Variants in PAPPA observed in about 807,000 individuals in gnomAD.
PAPPA encodes pappalysin-1.
Under a neutral mutation model 164.0 loss-of-function variants are expected in PAPPA, and 60 were observed. The observed-to-expected ratio is 0.37, with a 90% confidence interval of 0.30 to 0.45. The LOEUF is 0.45. Among genes scored for constraint, PAPPA ranks in the 20% least tolerant of loss-of-function variants. PAPPA has a pLI of 1.00. For synonymous variants in PAPPA, 875 were observed against 814.1 expected (o/e 1.07, Z -1.27); for missense variants, 1,782 against 2,087.3 (o/e 0.85, Z 2.85).
At chr9:116,245,036 A>G (rs1844780625) in intron 7 of PAPPA, among the ~76,000 whole-genome samples, 1 of 152,156 alleles carries the variant, frequency 6.6e-6, no homozygotes. Flanking sequence ...GGAGGCTATT[A>G]TCTTAAGTAA....
At chr9:116,175,314 A>G (rs929406199) in intron 1 of PAPPA, among the ~76,000 whole-genome samples, 1 of 152,232 alleles carries the variant, frequency 6.6e-6, no homozygotes, top group Non-Finnish European at 1.5e-5. Flanking sequence ...CAAGAGATCT[A>G]TTATACAACA....
intron 13 of PAPPA, among the ~76,000 whole-genome samples, chr9:116,337,155 T>G (rs563495660): frequency 6.6e-6 from 1 of 152,272 alleles, no homozygotes; most frequent in East Asian, 1.9e-4. Flanking sequence ...TTTTCATAAC[T>G]GGACCCATGT....
chr9:116,335,997 CTTAAAG>C (rs1443870860), intron 13 of PAPPA, among the ~76,000 whole-genome samples: 3 of 152,108 alleles, frequency 2.0e-5, no homozygotes, highest in African/African-American at 7.2e-5. Context: ...TTGTAAAGTT[CTTAAAG>C]TTAGAGCTGG....
intron 9 of PAPPA, among the ~76,000 whole-genome samples, chr9:116,279,773 C>T (rs776979446): frequency 4.6e-5 from 7 of 152,234 alleles, no homozygotes; most frequent in Middle Eastern, 3.4e-3. Flanking sequence ...ATGACTGAGG[C>T]GGACTGGGAG....
chr9:116,330,454 T>TTGAA (rs932099048), intron 10 of PAPPA, among the ~76,000 whole-genome samples: 1 of 152,220 alleles, frequency 6.6e-6, no homozygotes, highest in Non-Finnish European at 1.5e-5. Flanking sequence ...TAAATATCAT[T>TTGAA]TGAATGAATG....
chr9:116,231,224 A>T (rs1048994207), intron 6 of PAPPA, among the ~76,000 whole-genome samples: 1 of 152,174 alleles, frequency 6.6e-6, no homozygotes, highest in Admixed American at 6.5e-5. Flanking sequence ...TTTTTAATTT[A>T]ATCACTGTAT....
intron 15 of PAPPA, among the ~76,000 whole-genome samples, chr9:116,352,313 G>C (rs1379407567): frequency 6.6e-6 from 1 of 152,202 alleles, no homozygotes; most frequent in African/African-American, 2.4e-5. Flanking sequence ...ATTTGCTGTA[G>C]TTTCTGGTGG....
intron 1 of PAPPA, among the ~76,000 whole-genome samples, chr9:116,180,287 T>C (rs1017153121): frequency 1.3e-5 from 2 of 151,748 alleles, no homozygotes; most frequent in Non-Finnish European, 2.9e-5. Flanking sequence ...GCCTTCATGG[T>C]GGATTGAGAG....
chr9:116,311,522 C>A (rs545930935), intron 10 of PAPPA, among the ~76,000 whole-genome samples: 1 of 152,244 alleles, frequency 6.6e-6, no homozygotes, highest in South Asian at 2.1e-4. Context: ...TTGGGGGAAG[C>A]TTTAAAAAAC....
chr9:116,303,580 G>A (rs1845607588), intron 10 of PAPPA, among the ~76,000 whole-genome samples: 1 of 152,106 alleles, frequency 6.6e-6, no homozygotes, highest in South Asian at 2.1e-4. Flanking sequence ...TGGTCATGCT[G>A]TCCCGAGAGC....
chr9:116,167,519 C>A (rs1177943128), intron 1 of PAPPA, among the ~76,000 whole-genome samples: 1 of 152,114 alleles, frequency 6.6e-6, no homozygotes, highest in Non-Finnish European at 1.5e-5. Flanking sequence ...TTTTTGGATT[C>A]TTGTTTTGAG....
intron 16 of PAPPA, 49 bp from the exon 17 acceptor site, chr9:116,353,573 C>A (rs1398533039): frequency 2.6e-6 from 4 of 1,547,214 alleles, no homozygotes; most frequent in Non-Finnish European, 2.7e-6. Context: ...GGGCATGGAT[C>A]TAGCCATTTG....
At chr9:116,357,267 A>G (rs1486355400) in intron 17 of PAPPA, among the ~76,000 whole-genome samples, 2 of 152,252 alleles carry the variant, frequency 1.3e-5, no homozygotes, top group African/African-American at 4.8e-5. Flanking sequence ...GAAGTAATTC[A>G]AAGTTGAAGG....
At position 116,335,043 on chromosome 9, in the gene PAPPA, A is replaced by G. The variant is rs1231298033; in HGVS notation, c.3580A>G (p.Arg1194Gly). The change falls in exon 13 of 22, where the codon AGA (arginine) becomes GGA (glycine). Residue 1194 changes from arginine (R) to glycine (G), a missense_variant. Physicochemically the swap from Arg to Gly is moderately radical, Grantham distance 125. Transcript: ENST00000328252. ...FDPVTLSSCQ[R>G]GETYSPAEQS... ...CCCCGTCACCCTGAGCAGCTGCCAG[A>G]GAGGGGAGACCTACAGCCCTGCCGA... 1 of 1,613,492 alleles carries G rather than the reference A, an allele frequency of 6.2e-7. No individual in the cohort carries two copies. Among genetic ancestry groups the G allele is most frequent in the East Asian group, 2.2e-5 (1 of 44,846 alleles).
rs775793391 is a variant in PAPPA, at chr9:116,353,622, A to G, written c.4176A>G (p.Lys1392=). ...HVPGSSRKSK[K]RAFKTQCTQD... is the part of the protein sequence containing the mutation. ...CTCCTGTTTGATCCTTTCCTTGAAGACGGGCCTTCAAGACTCAGTGTACCC... is the reference window on the plus strand; with the variant it reads ...CTCCTGTTTGATCCTTTCCTTGAAGGCGGGCCTTCAAGACTCAGTGTACCC... The change falls in exon 17 of 22, where the codon AAA becomes AAG. Residue 1392 remains lysine, a splice_region_variant and synonymous_variant. Coordinates refer to ENST00000328252, the MANE Select transcript of PAPPA (RefSeq NM_002581.5). The G allele has an allele frequency of 1.6e-5, 26 of 1,613,306 alleles. No homozygotes were observed. The highest frequency in any genetic ancestry group is 1.3e-4 in the South Asian group (12 of 90,982).
intron 10 of PAPPA, among the ~76,000 whole-genome samples, chr9:116,322,240 T>A (rs1193397608): frequency 6.6e-6 from 1 of 151,634 alleles, no homozygotes; most frequent in Admixed American, 6.6e-5. Context: ...AAAAACCCCA[T>A]CTCTACTAAA....
chr9:116,371,839 G>T lies in PAPPA; in HGVS notation c.4605+4085G>T, dbSNP rs114962798. Among the ~76,000 whole-genome samples, 930 of 152,128 alleles carry T rather than the reference G, an allele frequency of 6.1e-3. 9 individuals are homozygous for T. Among genetic ancestry groups the T allele is most frequent in the African/African-American group, 0.021 (864 of 41,514 alleles). On this transcript the variant is annotated intron_variant, in intron 19 of 21. Transcript: ENST00000328252. The stretch of plus-strand genomic sequence containing the variant: ...CAGGGAGTCCTCCCTCCCCAGGCCA[G>T]GCAATTTCTCCAGCACCAAGGTAAC...
chr9:116,386,787 A>T (rs1381972616), intron 21 of PAPPA, among the ~76,000 whole-genome samples: 1 of 152,160 alleles, frequency 6.6e-6, no homozygotes, highest in Non-Finnish European at 1.5e-5. Flanking sequence ...AGCTTTTCCC[A>T]GTAGCAGCAA....
chr9:116,343,381 A>G (rs1846162851), intron 13 of PAPPA, among the ~76,000 whole-genome samples: 1 of 152,224 alleles, frequency 6.6e-6, no homozygotes, highest in East Asian at 1.9e-4. Flanking sequence ...ATGAGGCAAC[A>G]GCATTATAGA....
Sources: allele counts gnomAD v4.1 joint callset (sites outside exome capture counted in the v4.1 genomes callset), GRCh38; gene constraint gnomAD v4.1.1; transcripts MANE v1.5; gene names NCBI Gene and HGNC (gene_info 2026-07-23, HGNC 2026-07-21).